Variants in MON2 observed in about 807,000 individuals in gnomAD.
MON2 encodes protein MON2 homolog.
A neutral mutation model predicts 208.6 loss-of-function variants in MON2; 84 were observed. The observed-to-expected ratio is 0.40, with a 90% CI of 0.34 to 0.48. The LOEUF (loss-of-function observed/expected upper bound fraction) is 0.48, where lower values mean the gene tolerates loss of function less well. Among genes scored for constraint, MON2 ranks in the 20% least tolerant of loss-of-function variants. The probability of loss-of-function intolerance (pLI) is 0.59; values close to 1 mark genes in which losing one functional copy is unlikely to be tolerated. For missense variants in MON2, 1,611 were observed against 2,015.4 expected, an observed-to-expected ratio of 0.80 and a Z score of 3.84; for synonymous variants, 660 against 694.0, an observed-to-expected ratio of 0.95 and a Z score of 0.77.
chr12:62,583,729 A>C (rs1188370502), intron 32 of MON2, among the ~76,000 whole-genome samples: 1 of 151,558 alleles, frequency 6.6e-6, no homozygotes, highest in African/African-American at 2.4e-5. Flanking sequence ...TGGGTGGATC[A>C]CTTGAAGTCA....
intron 23 of MON2, among the ~76,000 whole-genome samples, chr12:62,551,860 A>T (rs984388579): frequency 6.6e-6 from 1 of 152,202 alleles, no homozygotes. Flanking sequence ...TTGAACTTTA[A>T]ATTTTCCTCA....
At chr12:62,495,275 A>G (rs2070406256) in intron 4 of MON2, 128 bp downstream of exon 4, 1 of 760,854 alleles carries the variant, frequency 1.3e-6, no homozygotes, top group East Asian at 2.7e-5. Flanking sequence ...GATGATTGAC[A>G]TTGCATGTTA....
chr12:62,574,750 C>G (rs2136425534), intron 30 of MON2, among the ~76,000 whole-genome samples: 1 of 152,202 alleles, frequency 6.6e-6, no homozygotes, highest in African/African-American at 2.4e-5. Flanking sequence ...AGTCAGGAGA[C>G]CTGTGACCTG....
intron 34 of MON2, among the ~76,000 whole-genome samples, chr12:62,590,416 A>C (rs1023490280): frequency 2.8e-4 from 43 of 152,206 alleles, no homozygotes; most frequent in African/African-American, 9.1e-4. Flanking sequence ...TCATCATTTT[A>C]CTTGATCTTT....
At chr12:62,587,091 C>T (rs1186264597) in intron 33 of MON2, among the ~76,000 whole-genome samples, 4 of 152,016 alleles carry the variant, frequency 2.6e-5, no homozygotes, top group Admixed American at 2.0e-4. Context: ...GGGATGAGGG[C>T]GGACCAGAGA....
chr12:62,516,609 C>T (rs2071702572), intron 8 of MON2, among the ~76,000 whole-genome samples: 1 of 152,148 alleles, frequency 6.6e-6, no homozygotes, highest in Non-Finnish European at 1.5e-5. Flanking sequence ...GAGGCTGAGG[C>T]AGGAGAATCG....
At chr12:62,572,606 T>C (rs1449021263) in intron 30 of MON2, among the ~76,000 whole-genome samples, 1 of 152,048 alleles carries the variant, frequency 6.6e-6, no homozygotes, top group Non-Finnish European at 1.5e-5. Flanking sequence ...CCACCACACC[T>C]GGCTAATTTT....
At chr12:62,495,506 T>C (rs2070419528) in intron 4 of MON2, among the ~76,000 whole-genome samples, 1 of 151,880 alleles carries the variant, frequency 6.6e-6, no homozygotes, top group Non-Finnish European at 1.5e-5. Context: ...CTGGCTAATA[T>C]GGTGAAACCC....
At chr12:62,565,541 G>A (rs557204566) in intron 27 of MON2, among the ~76,000 whole-genome samples, 161 bp downstream of exon 27, 1 of 152,224 alleles carries the variant, frequency 6.6e-6, no homozygotes, top group African/African-American at 2.4e-5. Flanking sequence ...CAGAAATATT[G>A]TTTGGGAAAC....
chr12:62,484,133 A>G (rs1207710306), intron 1 of MON2, 37 bp from the exon 2 acceptor site: 1 of 1,405,422 alleles, frequency 7.1e-7, no homozygotes, highest in Non-Finnish European at 9.9e-7. Context: ...TCATTTTGGC[A>G]GTAAATTTTG....
intron 8 of MON2, among the ~76,000 whole-genome samples, chr12:62,509,502 A>G (rs988047327): frequency 2.0e-5 from 3 of 152,216 alleles, no homozygotes; most frequent in South Asian, 2.1e-4. Context: ...ACATAAGACT[A>G]ATAAGGAAAC....
intron 19 of MON2, among the ~76,000 whole-genome samples, chr12:62,542,744 G>C (rs1296066430): frequency 6.6e-6 from 1 of 151,924 alleles, no homozygotes; most frequent in Non-Finnish European, 1.5e-5. Flanking sequence ...CCTACTTCTT[G>C]ACATTCACAC....
chr12:62,515,116 C>G (rs1408296841), intron 8 of MON2, among the ~76,000 whole-genome samples: 1 of 152,162 alleles, frequency 6.6e-6, no homozygotes, highest in Admixed American at 6.5e-5. Context: ...TACCATATGA[C>G]CCAGCAATAC....
At chr12:62,529,969 TTA>T (rs1368504831) in intron 11 of MON2, among the ~76,000 whole-genome samples, 1 of 152,168 alleles carries the variant, frequency 6.6e-6, no homozygotes, top group Non-Finnish European at 1.5e-5. Flanking sequence ...CCTCAAACAT[TTA>T]TCTTTTCTTT....
At chr12:62,536,846 A>G (rs1396717439) in intron 14 of MON2, among the ~76,000 whole-genome samples, 2 of 151,746 alleles carry the variant, frequency 1.3e-5, no homozygotes, top group Non-Finnish European at 2.9e-5. Flanking sequence ...GCATCGACAT[A>G]CCTGGCTAAT....
chr12:62,570,123 A>G (rs1375230085), intron 29 of MON2, among the ~76,000 whole-genome samples: 1 of 152,166 alleles, frequency 6.6e-6, no homozygotes, highest in Non-Finnish European at 1.5e-5. Flanking sequence ...GTGATCAGAG[A>G]AATTCATTCT....
chr12:62,547,811 A>T (rs2073560055), intron 22 of MON2, among the ~76,000 whole-genome samples: 1 of 152,226 alleles, frequency 6.6e-6, no homozygotes, highest in South Asian at 2.1e-4. Context: ...TATTCAGGAC[A>T]GTAGCAAGCT....
intron 34 of MON2, chr12:62,589,024 C>A: frequency 3.3e-6 from 2 of 608,790 alleles, no homozygotes; most frequent in Non-Finnish European, 5.1e-6. Flanking sequence ...TCTCCCTTTA[C>A]ATTGTTAAGA....
intron 21 of MON2, 56 bp downstream of exon 21, chr12:62,545,064 A>G: frequency 8.7e-7 from 1 of 1,153,244 alleles, no homozygotes; most frequent in Non-Finnish European, 1.2e-6. Flanking sequence ...ATCCTCCTCC[A>G]TATGTGATTT....
Sources: allele counts gnomAD v4.1 joint callset (sites outside exome capture counted in the v4.1 genomes callset), GRCh38; gene constraint gnomAD v4.1.1; transcripts MANE v1.5; gene names NCBI Gene and HGNC (gene_info 2026-07-23, HGNC 2026-07-21).